The following SLMAP variants were observed in gnomAD, a reference collection of about 807,000 sequenced individuals.
The protein encoded by SLMAP is sarcolemmal membrane-associated protein.
Under a neutral mutation model 128.8 loss-of-function variants are expected in SLMAP, and 44 were observed. The ratio of observed to expected loss-of-function variants is 0.34; its 90% CI spans 0.27 to 0.44. The LOEUF (loss-of-function observed/expected upper bound fraction) is 0.44, where lower values mean the gene tolerates loss of function less well. SLMAP is among the 20% of genes least tolerant of loss of function. The pLI, the probability that SLMAP is intolerant of heterozygous loss-of-function variation, is 1.00. For missense variants in SLMAP, 787 were observed against 985.3 expected, an observed-to-expected ratio of 0.80 and a Z score of 2.69; for synonymous variants, 327 against 348.8, an observed-to-expected ratio of 0.94 and a Z score of 0.70.
At chr3:57,869,137 G>A (rs1393302754) in intron 13 of SLMAP, among the ~76,000 whole-genome samples, 1 of 148,510 alleles carries the variant, frequency 6.7e-6, no homozygotes, top group South Asian at 2.1e-4. Context: ...TGAGGAGCAA[G>A]GAGAGCCAGT....
chr3:57,853,955 TTATATATATATATA>T (rs1157170350), intron 6 of SLMAP, among the ~76,000 whole-genome samples: 145 of 31,938 alleles, frequency 4.5e-3, no homozygotes, highest in South Asian at 5.7e-3. Flanking sequence ...AAAAAAAAAA[TTATATATATATATA>T]TATATATATA....
At chr3:57,856,668 T>G (rs2094806599) in intron 6 of SLMAP, among the ~76,000 whole-genome samples, 1 of 152,126 alleles carries the variant, frequency 6.6e-6, no homozygotes, top group African/African-American at 2.4e-5. Context: ...AGTTAATGTT[T>G]TTTTCTTTTT....
At chr3:57,895,074 T>C (rs914885068) in intron 15 of SLMAP, among the ~76,000 whole-genome samples, 2 of 151,846 alleles carry the variant, frequency 1.3e-5, no homozygotes, top group African/African-American at 4.8e-5. Context: ...GAGGATTACT[T>C]GAGCCCAGGA....
chr3:57,884,178 C>G (rs1348174237), intron 14 of SLMAP, among the ~76,000 whole-genome samples: 1 of 152,132 alleles, frequency 6.6e-6, no homozygotes. Context: ...ATCTGCCTGC[C>G]TCGGTCTCCC....
chr3:57,907,088 C>T (rs547270876), intron 17 of SLMAP, among the ~76,000 whole-genome samples: 39 of 152,102 alleles, frequency 2.6e-4, no homozygotes, highest in Admixed American at 6.5e-4. Flanking sequence ...AGCGCAGTGG[C>T]GCGATCTCGG....
At chr3:57,775,293 C>T (rs369099045) in intron 2 of SLMAP, among the ~76,000 whole-genome samples, 31 of 152,044 alleles carry the variant, frequency 2.0e-4, no homozygotes, top group African/African-American at 6.3e-4. Context: ...CCGCCCACCC[C>T]GGCCTCCCAA....
chr3:57,759,992 T>C (rs1575980442), intron 2 of SLMAP, among the ~76,000 whole-genome samples: 1 of 152,168 alleles, frequency 6.6e-6, no homozygotes, highest in East Asian at 1.9e-4. Flanking sequence ...CAGGCTAGAG[T>C]GCAGTGGCGC....
chr3:57,862,645 A>AAG (rs2095137688), intron 10 of SLMAP, among the ~76,000 whole-genome samples: 1 of 151,808 alleles, frequency 6.6e-6, no homozygotes, highest in Admixed American at 6.6e-5. Flanking sequence ...TCACAAAAAA[A>AAG]AAAAAAAAAA....
intron 2 of SLMAP, among the ~76,000 whole-genome samples, chr3:57,777,643 A>G (rs1182563315): frequency 6.6e-6 from 1 of 152,204 alleles, no homozygotes; most frequent in Non-Finnish European, 1.5e-5. Context: ...TAAAACATAT[A>G]TCACTTGCAA....
chr3:57,764,501 C>CA (rs759948558), intron 2 of SLMAP, among the ~76,000 whole-genome samples: 24,294 of 102,490 alleles, frequency 0.24, 2,581 homozygotes, highest in East Asian at 0.52. Flanking sequence ...GACTGCATCT[C>CA]AAAAAAAAAA....
intron 19 of SLMAP, among the ~76,000 whole-genome samples, chr3:57,910,683 A>G (rs1384742868): frequency 2.0e-5 from 3 of 152,216 alleles, no homozygotes; most frequent in Admixed American, 2.0e-4. Context: ...AGGAAATTAT[A>G]TGATACCCCA....
chr3:57,869,037 ATATATAT>A (rs1416480859), intron 13 of SLMAP, among the ~76,000 whole-genome samples: 1 of 138,156 alleles, frequency 7.2e-6, no homozygotes, highest in Non-Finnish European at 1.5e-5. Flanking sequence ...TATATATATA[ATATATAT>A]TATATATATT....
chr3:57,811,405 G>C (rs1251746298), intron 2 of SLMAP, among the ~76,000 whole-genome samples: 1 of 152,160 alleles, frequency 6.6e-6, no homozygotes, highest in Non-Finnish European at 1.5e-5. Context: ...CCATGTTGTA[G>C]CATTTGTCAG....
chr3:57,911,841 A>G (rs557451275), intron 19 of SLMAP, among the ~76,000 whole-genome samples: 2 of 151,886 alleles, frequency 1.3e-5, no homozygotes, highest in South Asian at 4.2e-4. Context: ...ATTTGAACAG[A>G]AAAACGAATC....
Position 57,862,073 on chromosome 3 carries a change from C to A in SLMAP, c.953C>A (p.Ser318Tyr). 6.3e-7 allele frequency: 1 copy of A among 1,580,586 alleles called. No individual in the cohort carries two copies. The highest frequency in any genetic ancestry group is 8.7e-7 in the Non-Finnish European group (1 of 1,150,444). The change falls in exon 10 of 25, where the codon TCT becomes TAT. Residue 318 changes from serine (S) to tyrosine (Y), a missense_variant. Physicochemically the swap from Ser to Tyr is moderately radical, Grantham distance 144. Around this residue, in one of 2 missense-constraint regions of SLMAP, gnomAD observed 715 missense variants for 843.6 expected, o/e 0.85. Coordinates refer to ENST00000671191, the MANE Select transcript of SLMAP (RefSeq NM_001377540.1). ...NGAVNEIKDL[S>Y]DKLKVAEGKQ... is the part of the protein sequence containing the mutation. ...GCAGTTAATGAGATTAAAGATTTATCTGATAAATTAAAGGTATGTATTTAC... is the reference window on the plus strand; with the variant it reads ...GCAGTTAATGAGATTAAAGATTTATATGATAAATTAAAGGTATGTATTTAC...
At chr3:57,856,103 T>A (rs1577764123) in intron 6 of SLMAP, among the ~76,000 whole-genome samples, 1 of 151,930 alleles carries the variant, frequency 6.6e-6, no homozygotes, top group African/African-American at 2.4e-5. Flanking sequence ...TCCTAGCTAT[T>A]TGGAGGGCTG....
chr3:57,916,982 G>A lies in SLMAP; in HGVS notation c.2215G>A (p.Val739Met). The change falls in exon 22 of 25, where the codon GTG becomes ATG. Residue 739 changes from valine to methionine, a missense_variant. Val to Met is a conservative substitution (Grantham distance 21). Coordinates refer to ENST00000671191, the MANE Select transcript of SLMAP (RefSeq NM_001377540.1). ...GTCTAGGAAAGAACTTGAGAATCAA[G>A]TGGGATCCTTGAAAGAACAGCATCT... ...QMSRKELENQ[V>M]GSLKEQHLRD... 1 of 1,613,952 alleles carries A rather than the reference G, an allele frequency of 6.2e-7. No individual in the cohort carries two copies. Among genetic ancestry groups the A allele is most frequent in the Non-Finnish European group, 8.5e-7 (1 of 1,179,930 alleles).
intron 2 of SLMAP, among the ~76,000 whole-genome samples, chr3:57,828,561 A>C (rs1381640006): frequency 2.0e-5 from 3 of 152,150 alleles, no homozygotes; most frequent in Non-Finnish European, 4.4e-5. Flanking sequence ...TTGAGTTGTG[A>C]GGGAACCAGG....
chr3:57,879,765 A>ACC (rs1358972940), intron 14 of SLMAP, among the ~76,000 whole-genome samples: 1 of 152,034 alleles, frequency 6.6e-6, no homozygotes, highest in Non-Finnish European at 1.5e-5. Flanking sequence ...ACATAGTGAA[A>ACC]CCCCATCTGT....
Sources: allele counts gnomAD v4.1 joint callset (sites outside exome capture counted in the v4.1 genomes callset), GRCh38; gene constraint gnomAD v4.1.1; regional missense constraint gnomAD v4.1.1; transcripts MANE v1.5; gene names NCBI Gene and HGNC (gene_info 2026-07-23, HGNC 2026-07-21).